DOK5: variants seen among roughly 807,000 people sequenced by gnomAD.
DOK5 encodes downstream of tyrosine kinase 5.
A neutral mutation model predicts 43.3 loss-of-function variants in DOK5; 27 were observed. The ratio of observed to expected loss-of-function variants is 0.62; its 90% CI spans 0.46 to 0.86. The LOEUF (loss-of-function observed/expected upper bound fraction) is 0.86. Ranked by LOEUF, DOK5 falls within the 40% of genes least tolerant of loss-of-function variation. The probability of loss-of-function intolerance (pLI) is 0.00; values close to 1 mark genes in which losing one functional copy is unlikely to be tolerated. For missense variants in DOK5, 373 were observed against 392.9 expected, an observed-to-expected ratio of 0.95 and a Z score of 0.43; for synonymous variants, 146 against 140.1, an observed-to-expected ratio of 1.04 and a Z score of -0.30.
chr20:54,487,401 T>C (rs1981979960), intron 1 of DOK5, among the ~76,000 whole-genome samples: 1 of 152,134 alleles, frequency 6.6e-6, no homozygotes, highest in African/African-American at 2.4e-5. Flanking sequence ...TGGTTTCCAA[T>C]TTCAGATAAG....
intron 1 of DOK5, among the ~76,000 whole-genome samples, chr20:54,553,037 T>C (rs927978422): frequency 6.6e-6 from 1 of 152,210 alleles, no homozygotes; most frequent in Admixed American, 6.5e-5. Context: ...AACTTTGTAG[T>C]ACATAAAATT....
At chr20:54,570,839 A>G (rs562354253) in intron 2 of DOK5, among the ~76,000 whole-genome samples, 1 of 152,372 alleles carries the variant, frequency 6.6e-6, no homozygotes, top group South Asian at 2.1e-4. Flanking sequence ...TAGTTACAAA[A>G]TAATCCATTT....
At chr20:54,580,173 A>G (rs1458904888) in intron 2 of DOK5, among the ~76,000 whole-genome samples, 2 of 152,188 alleles carry the variant, frequency 1.3e-5, no homozygotes, top group Admixed American at 1.3e-4. Flanking sequence ...CTTTACAAGA[A>G]AAAAACAAGC....
At chr20:54,638,643 G>T (rs1057205288) in intron 6 of DOK5, among the ~76,000 whole-genome samples, 5 of 151,816 alleles carry the variant, frequency 3.3e-5, no homozygotes, top group Non-Finnish European at 5.9e-5. Flanking sequence ...TTTTGTGGTT[G>T]TTTTTTATAG....
intron 2 of DOK5, among the ~76,000 whole-genome samples, chr20:54,573,617 G>A (rs1033451141): frequency 6.7e-6 from 1 of 149,748 alleles, no homozygotes; most frequent in Admixed American, 6.7e-5. Context: ...AATCTGGGAG[G>A]CAGAGGTTGC....
At chr20:54,530,652 T>C (rs1268662025) in intron 1 of DOK5, among the ~76,000 whole-genome samples, 2 of 152,114 alleles carry the variant, frequency 1.3e-5, no homozygotes, top group African/African-American at 4.8e-5. Context: ...CTCAAGATGG[T>C]TTATAAGCTT....
chr20:54,507,237 G>A (rs1223693936), intron 1 of DOK5, among the ~76,000 whole-genome samples: 1 of 152,068 alleles, frequency 6.6e-6, no homozygotes. Flanking sequence ...ATGATAGGTC[G>A]AGGTAATAAC....
At chr20:54,615,921 C>T (rs1019820690) in intron 6 of DOK5, among the ~76,000 whole-genome samples, 14 of 149,792 alleles carry the variant, frequency 9.3e-5, no homozygotes, top group African/African-American at 1.2e-4. Context: ...GGCATAAAAA[C>T]AGGTTCTCCC....
chr20:54,495,513 A>G (rs1033363971), intron 1 of DOK5, among the ~76,000 whole-genome samples: 1 of 152,230 alleles, frequency 6.6e-6, no homozygotes, highest in Non-Finnish European at 1.5e-5. Context: ...TTGGGCAGCT[A>G]TACATTTCTG....
intron 1 of DOK5, among the ~76,000 whole-genome samples, chr20:54,490,473 TGG>T (rs1440445936): frequency 6.6e-6 from 1 of 152,114 alleles, no homozygotes; most frequent in Non-Finnish European, 1.5e-5. Flanking sequence ...GTGGCAGGAG[TGG>T]GAGGGTAGGG....
chr20:54,527,584 G>A (rs1404842515), intron 1 of DOK5, among the ~76,000 whole-genome samples: 1 of 152,154 alleles, frequency 6.6e-6, no homozygotes, highest in Non-Finnish European at 1.5e-5. Context: ...AATGGAAGCT[G>A]GGAAACAAAG....
intron 1 of DOK5, among the ~76,000 whole-genome samples, chr20:54,526,705 C>A (rs914769352): frequency 1.3e-5 from 2 of 152,096 alleles, no homozygotes; most frequent in Non-Finnish European, 2.9e-5. Context: ...ACCTGGAACA[C>A]CTCCATTTTC....
chr20:54,605,010 A>AT lies in DOK5; in HGVS notation c.600-5378_600-5377insT, dbSNP rs558059780. On this transcript the variant is annotated intron_variant, in intron 5 of 7. Transcript: ENST00000262593. Reference sequence around the variant, plus strand: ...GAGCAAGACTGTGTCTCAAAAAAAAAAAATATATATATATACACACACACA... The same window carrying AT: ...GAGCAAGACTGTGTCTCAAAAAAAAATAAATATATATATATACACACACACA... 1.3e-3 allele frequency among the ~76,000 whole-genome samples: 184 copies of AT among 141,762 alleles called. 1 individual carries two copies. Among genetic ancestry groups the AT allele is most frequent in the Middle Eastern group, 3.6e-3 (1 of 280 alleles). The allele number at this position is 141,762 out of a possible 152,430, so 93.0% of individuals were successfully genotyped here.
intron 6 of DOK5, among the ~76,000 whole-genome samples, chr20:54,625,719 G>A (rs1024328176): frequency 8.5e-5 from 13 of 152,180 alleles, no homozygotes; most frequent in Admixed American, 8.5e-4. Context: ...TTGGCACAGT[G>A]CCTGGTACCT....
chr20:54,539,730 T>C (rs1388386997), intron 1 of DOK5, among the ~76,000 whole-genome samples: 1 of 152,110 alleles, frequency 6.6e-6, no homozygotes, highest in Non-Finnish European at 1.5e-5. Context: ...TGACTGCTCA[T>C]GTGTGAATGA....
intron 1 of DOK5, among the ~76,000 whole-genome samples, chr20:54,480,538 A>G (rs1474991272): frequency 6.6e-6 from 1 of 152,232 alleles, no homozygotes; most frequent in Non-Finnish European, 1.5e-5. Context: ...AAAATGGGCA[A>G]CCAGCAGCCC....
intron 6 of DOK5, among the ~76,000 whole-genome samples, chr20:54,614,000 A>G (rs1372195036): frequency 1.3e-5 from 2 of 149,758 alleles, no homozygotes; most frequent in Non-Finnish European, 3.0e-5. Context: ...TCTCTAATAT[A>G]TATACATATA....
intron 1 of DOK5, among the ~76,000 whole-genome samples, chr20:54,487,166 A>G (rs901845799): frequency 1.3e-5 from 2 of 152,226 alleles, no homozygotes; most frequent in African/African-American, 4.8e-5. Context: ...TGAGATTTAT[A>G]TATCTGGAGA....
intron 1 of DOK5, among the ~76,000 whole-genome samples, chr20:54,550,337 A>G (rs1051726050): frequency 6.6e-6 from 1 of 152,226 alleles, no homozygotes; most frequent in East Asian, 1.9e-4. Context: ...TTCACATTCA[A>G]TTGTAAGAAA....
Sources: allele counts gnomAD v4.1 joint callset (sites outside exome capture counted in the v4.1 genomes callset), GRCh38; gene constraint gnomAD v4.1.1; transcripts MANE v1.5; gene names NCBI Gene and HGNC (gene_info 2026-07-23, HGNC 2026-07-21).